The following MICOS13 variants were observed in gnomAD, a reference collection of about 807,000 sequenced individuals.
The protein encoded by MICOS13 is MICOS complex subunit MIC13.
MICOS13 carries 15 observed loss-of-function variants against 16.1 expected under a neutral mutation model. The observed-to-expected ratio is 0.93, with a 90% confidence interval of 0.62 to 1.44. MICOS13 has a LOEUF of 1.44. Ranked by LOEUF, MICOS13 falls within the 40% of genes most tolerant of loss-of-function variation. MICOS13 has a pLI of 0.00. For synonymous variants in MICOS13, 61 were observed against 62.6 expected, an observed-to-expected ratio of 0.97 and a Z score of 0.12; for missense variants, 164 against 155.0, an observed-to-expected ratio of 1.06 and a Z score of -0.31.
rs73920042 is a variant in MICOS13 at position 5,680,477 on chromosome 19, G to A, written c.10C>T (p.Arg4Trp). ...ACGCACCTCATCAGCGACCACACCC[G>A]GGCCACCATGGTCGCTCGGATCCAC... MVA[R>W]VWSLMRFLIK... is the part of the protein sequence containing the mutation. Residue 4 changes from arginine (R) to tryptophan (W), a missense_variant, in exon 1 of 4, where the codon CGG becomes TGG. Arg to Trp is a moderately radical substitution (Grantham distance 101, BLOSUM62 -3). Transcript: ENST00000309324. 1.0e-4 allele frequency: 166 copies of A among 1,607,174 alleles called. 1 individual carries two copies. The African/African-American group carries it at 1.7e-3, about 16-fold the overall frequency.
chr19:5,679,344 C>T lies in MICOS13; in HGVS notation c.259+1G>A. 1 of 1,613,036 alleles carries T rather than the reference C, an allele frequency of 6.2e-7. No homozygotes were observed. Among genetic ancestry groups the T allele is most frequent in the Non-Finnish European group, 8.5e-7 (1 of 1,179,552 alleles). ...CCAAGCAAAGAAACTGGGTGCCTTA[C>T]CTGCATTCCAGGAGTCACGGATGGG... On this transcript the variant is annotated splice_donor_variant, in intron 3 of 3. Coordinates refer to ENST00000309324, the MANE Select transcript of MICOS13 (RefSeq NM_205767.3). LOFTEE classifies it high-confidence loss of function.
Position 5,678,558 on chromosome 19 carries a change from G to C in MICOS13, c.350C>G (p.Thr117Ser), listed in dbSNP as rs774668809. ...GCGGCCCCTGCTGACTCGCTACTTG[G>C]TGCGCGCCTTCACATACTCCCAGCC... ...KEGWEYVKAR[T>S]K is the part of the protein sequence containing the mutation. The change falls in exon 4 of 4, where the codon ACC (threonine) becomes AGC (serine). Residue 117 changes from threonine (T) to serine (S), a missense_variant. Physicochemically the swap from Thr to Ser is moderately conservative, Grantham distance 58. Transcript: ENST00000309324. 2.6e-6 allele frequency: 4 copies of C among 1,549,018 alleles called. No individual in the cohort carries two copies. In the African/African-American group the frequency reaches 5.5e-5, roughly 21 times the overall value.
intron 1 of MICOS13, 190 bp from the exon 2 acceptor site, chr19:5,679,953 G>T: frequency 7.1e-7 from 1 of 1,402,972 alleles, no homozygotes; most frequent in Non-Finnish European, 9.5e-7. Flanking sequence ...AAGGCAGGGC[G>T]GCTGGACGCC....
rs1427803477 is a variant in MICOS13, at chr19:5,680,128, C to G, written c.29+330G>C. On this transcript the variant is annotated intron_variant, in intron 1 of 3. Coordinates refer to ENST00000309324, the MANE Select transcript of MICOS13 (RefSeq NM_205767.3). ...TCCTGCCCGCTGTCACTCGCAGCTC[C>G]GAGCACGCATTCACTTCTCATCCAC... 3 of 1,536,072 alleles carry G rather than the reference C, an allele frequency of 2.0e-6. No individual in the cohort carries two copies. In the East Asian group the frequency reaches 7.3e-5, roughly 38 times the overall value.
Position 5,679,697 on chromosome 19 carries a change from C to T in MICOS13, c.96G>A (p.Gly32=), listed in dbSNP as rs753435682. 6 of 1,610,006 alleles carry T rather than the reference C, an allele frequency of 3.7e-6. No individual in the cohort carries two copies. The highest frequency in any genetic ancestry group is 1.7e-4 in the Middle Eastern group (1 of 6,022). The part of the protein sequence containing the change: ...VYLVYDQELL[G]PSDKSQAALQ... ...GGGCTGCCTGGCTCTTGTCGCTGGG[C>T]CCCAGCAGCTCCTGGTCGTACACCA... The change falls in exon 2 of 4, where the codon GGG becomes GGA. Residue 32 remains glycine (G), a synonymous_variant. Coordinates refer to ENST00000309324, the MANE Select transcript of MICOS13 (RefSeq NM_205767.3).
At chr19:5,678,736 G>C (rs1424648778) in intron 3 of MICOS13, 88 bp from the exon 4 acceptor site, 2 of 855,476 alleles carry the variant, frequency 2.3e-6, no homozygotes, top group Non-Finnish European at 3.5e-6. Context: ...TTTGTTTTGG[G>C]CGGTGGGGGG....
chr19:5,679,434 G>T (rs780767304), intron 2 of MICOS13, 38 bp from the exon 3 acceptor site: 1 of 1,607,830 alleles, frequency 6.2e-7, no homozygotes, highest in Non-Finnish European at 8.5e-7. Flanking sequence ...CTGGTGAAAA[G>T]GCTCAGCAGC....
chr19:5,678,576 T>C lies in MICOS13; in HGVS notation c.332A>G (p.Glu111Gly), dbSNP rs1244369492. ...CTACTTGGTGCGCGCCTTCACATAC[T>C]CCCAGCCCTCCTTGGAGTACTCGCG... is the stretch of plus-strand genomic sequence containing the variant. The part of the protein sequence containing the change: ...KAREYSKEGW[E>G]YVKARTK Residue 111 changes from glutamate to glycine, a missense_variant, in exon 4 of 4, where the codon GAG becomes GGG. Transcript: ENST00000309324. 2 of 1,549,468 alleles carry C rather than the reference T, an allele frequency of 1.3e-6. No homozygotes were observed. Among genetic ancestry groups the C allele is most frequent in the Non-Finnish European group, 8.7e-7 (1 of 1,146,628 alleles).
chr19:5,678,537 C>T lies in MICOS13; in HGVS notation c.*14G>A. The stretch of plus-strand genomic sequence containing the variant: ...TGCCCGTTCTGGCCGGGGCAGGCGG[C>T]CCCTGCTGACTCGCTACTTGGTGCG... On this transcript the variant is annotated 3_prime_UTR_variant, in exon 4 of 4. Coordinates refer to ENST00000309324, the MANE Select transcript of MICOS13 (RefSeq NM_205767.3). 1.3e-6 allele frequency: 2 copies of T among 1,546,918 alleles called. No individual in the cohort carries two copies. Among genetic ancestry groups the T allele is most frequent in the South Asian group, 2.4e-5 (2 of 83,936 alleles).
At chr19:5,679,241 C>G (rs1426671095) in intron 3 of MICOS13, 104 bp downstream of exon 3, 1 of 1,229,902 alleles carries the variant, frequency 8.1e-7, no homozygotes, top group Non-Finnish European at 1.2e-6. Context: ...CTAAGAGACA[C>G]GTGTCGGGCA....
chr19:5,678,701 C>T, intron 3 of MICOS13, 53 bp from the exon 4 acceptor site: 1 of 1,363,108 alleles, frequency 7.3e-7, no homozygotes. Context: ...CTCACCCAGC[C>T]TCCAACCCCT....
intron 1 of MICOS13, 98 bp from the exon 2 acceptor site, chr19:5,679,861 C>G: frequency 2.1e-6 from 3 of 1,441,316 alleles, no homozygotes; most frequent in Non-Finnish European, 2.8e-6. Flanking sequence ...CCTGAGGGCT[C>G]ACCGTCCACA....
chr19:5,678,496 A>C lies in MICOS13; in HGVS notation c.*55T>G. The C allele has an allele frequency of 6.8e-7, 1 of 1,480,662 alleles. No homozygotes were observed. 91.7% of individuals were successfully genotyped at this position (1,480,662 alleles called of 1,614,324 possible). On this transcript the variant is annotated 3_prime_UTR_variant, in exon 4 of 4. Transcript: ENST00000309324. ...AGTGGGGTCCCAGTCCGGAGTCTTC[A>C]GGTCAGTGGCAGCCCTGCCCGTTCT... is the stretch of plus-strand genomic sequence containing the variant.
At position 5,679,749 on chromosome 19, in the gene MICOS13, C is replaced by T. The variant is rs1248744311; in HGVS notation, c.44G>A (p.Gly15Glu). The T allele has an allele frequency of 8.7e-6, 14 of 1,605,376 alleles. No individual in the cohort carries two copies. In the Admixed American group the frequency reaches 2.4e-4, roughly 27 times the overall value. ...VWSLMRFLIK[G>E]SVAGGAVYLV... ...GTAGACGGCGCCCCCAGCCACACTT[C>T]CCTTGATGAGGAACCTGCGGGCAGG... The change falls in exon 2 of 4, where the codon GGA becomes GAA. Residue 15 changes from glycine to glutamate, a missense_variant. Gly to Glu is a moderately conservative substitution (Grantham distance 98). Transcript: ENST00000309324.
intron 1 of MICOS13, 63 bp from the exon 2 acceptor site, chr19:5,679,826 A>C: frequency 2.6e-6 from 4 of 1,522,518 alleles, no homozygotes; most frequent in Non-Finnish European, 3.5e-6. Context: ...TCAGGGGCCA[A>C]GGCCCACGGG....
In MICOS13 at chr19:5,680,353, ACT is replaced by A. The variant is rs776509194; in HGVS notation, c.29+103_29+104del. 22 of 1,604,454 alleles carry A rather than the reference ACT, an allele frequency of 1.4e-5. No individual in the cohort carries two copies. The South Asian group carries it at 2.2e-4, about 16-fold the overall frequency. ...ATAGGCGGGGAACGAAGGGGAAGTG[ACT>A]CTAAGGGAAGCGAAGAGCAGATCGG... is the stretch of plus-strand genomic sequence containing the variant. On this transcript the variant is annotated intron_variant, in intron 1 of 3. Coordinates refer to ENST00000309324, the MANE Select transcript of MICOS13 (RefSeq NM_205767.3).
intron 3 of MICOS13, chr19:5,679,114 G>C: frequency 1.9e-6 from 1 of 514,988 alleles, no homozygotes; most frequent in South Asian, 2.4e-5. Flanking sequence ...GTTTCACCAT[G>C]TTGCCCAGGC....
intron 3 of MICOS13, 79 bp downstream of exon 3, chr19:5,679,266 C>G (rs889160392): frequency 2.1e-6 from 3 of 1,431,998 alleles, no homozygotes; most frequent in Non-Finnish European, 2.9e-6. Flanking sequence ...GGAGGATGGA[C>G]AGAAAGGAAT....
At chr19:5,680,404 C>T (rs2054513141) in intron 1 of MICOS13, 54 bp downstream of exon 1, 11 of 1,611,674 alleles carry the variant, frequency 6.8e-6, no homozygotes, top group Non-Finnish European at 9.3e-6. Context: ...ACAGGGATGC[C>T]CACAAAAATG....
Sources: allele counts gnomAD v4.1 joint callset, GRCh38; gene constraint gnomAD v4.1.1; transcripts MANE v1.5; gene names NCBI Gene and HGNC (gene_info 2026-07-23, HGNC 2026-07-21).